The following RANBP2 variants were observed in gnomAD, a reference collection of about 807,000 sequenced individuals.
RANBP2 encodes RAN binding protein 2, also known as E3 SUMO-protein ligase RanBP2.
In RANBP2, 57 loss-of-function variants were observed where a neutral mutation model predicts 303.6. The ratio of observed to expected loss-of-function variants is 0.19; its 90% CI spans 0.15 to 0.23. The LOEUF (loss-of-function observed/expected upper bound fraction) is 0.23, where lower values mean the gene tolerates loss of function less well. RANBP2 is among the 10% of genes least tolerant of loss of function. RANBP2 has a pLI of 1.00. For missense variants in RANBP2, 3,138 were observed against 3,780.8 expected (o/e 0.83, Z 4.46); for synonymous variants, 1,167 against 1,301.5 (o/e 0.90, Z 2.23).
chr2:109,720,864 A>T, the RANBP2 span, among the ~76,000 whole-genome samples: 1 of 152,160 alleles, frequency 6.6e-6, no homozygotes, highest in Admixed American at 6.5e-5. Context: ...CCCTCTCCTG[A>T]TTGTCACTGG....
chr2:109,022,816 C>T, the RANBP2 span, among the ~76,000 whole-genome samples: 17 of 151,966 alleles, frequency 1.1e-4, no homozygotes, highest in East Asian at 1.9e-4. Context: ...TTTGGGAGGC[C>T]GAGGTGGGTG....
chr2:109,508,203 G>T, the RANBP2 span, among the ~76,000 whole-genome samples: 3 of 152,132 alleles, frequency 2.0e-5, no homozygotes, highest in African/African-American at 7.2e-5. Flanking sequence ...CCCTGGCATT[G>T]ACTCTCACTG....
the RANBP2 span, among the ~76,000 whole-genome samples, chr2:109,330,870 C>G: frequency 2.6e-5 from 4 of 152,200 alleles, no homozygotes; most frequent in African/African-American, 4.8e-5. Context: ...CTTAAGGGAC[C>G]AATTCCTCTG....
At chr2:109,283,503 G>T in the RANBP2 span, among the ~76,000 whole-genome samples, 1 of 152,268 alleles carries the variant, frequency 6.6e-6, no homozygotes, top group African/African-American at 2.4e-5. Context: ...GTCCACAAAG[G>T]TCTCCAGAAG....
chr2:109,297,504 C>T, the RANBP2 span, among the ~76,000 whole-genome samples: 1 of 152,016 alleles, frequency 6.6e-6, no homozygotes, highest in Non-Finnish European at 1.5e-5. Context: ...AGACCAGTGC[C>T]TCCGACCCAA....
At chr2:109,596,734 T>C in the RANBP2 span, among the ~76,000 whole-genome samples, 1 of 152,228 alleles carries the variant, frequency 6.6e-6, no homozygotes, top group Non-Finnish European at 1.5e-5. Context: ...TATCTGCTTT[T>C]GTTTATTCAT....
At chr2:108,773,867 T>C (rs1388336766) in intron 23 of RANBP2, among the ~76,000 whole-genome samples, 1 of 152,194 alleles carries the variant, frequency 6.6e-6, no homozygotes, top group Non-Finnish European at 1.5e-5. Flanking sequence ...CAGGATGGTC[T>C]CAATCTCTTG....
At chr2:109,179,886 G>A in the RANBP2 span, among the ~76,000 whole-genome samples, 1 of 152,160 alleles carries the variant, frequency 6.6e-6, no homozygotes, top group Non-Finnish European at 1.5e-5. Flanking sequence ...CTTATCGCAG[G>A]AAAATACAGG....
chr2:108,766,776 A>G lies in RANBP2; in HGVS notation c.6237A>G (p.Gln2079=). ...TAAGAATGCTGATGCGAAGAGAACAAGTACTAAAAGTGTGTGCTAATCATT... is the reference window on the plus strand; with the variant it reads ...TAAGAATGCTGATGCGAAGAGAACAGGTACTAAAAGTGTGTGCTAATCATT... ...GKLRMLMRRE[Q]VLKVCANHWI... Residue 2079 remains glutamine, a synonymous_variant, in exon 20 of 29, where the codon CAA becomes CAG. Coordinates refer to ENST00000283195, the MANE Select transcript of RANBP2 (RefSeq NM_006267.5). 1.2e-6 allele frequency: 2 copies of G among 1,612,048 alleles called. No homozygotes were observed. Among genetic ancestry groups the G allele is most frequent in the Non-Finnish European group, 1.7e-6 (2 of 1,179,856 alleles).
chr2:109,062,239 G>T, the RANBP2 span, among the ~76,000 whole-genome samples: 1 of 152,212 alleles, frequency 6.6e-6, no homozygotes, highest in Non-Finnish European at 1.5e-5. Context: ...TAAAGTGCAG[G>T]TGAGATAAGG....
chr2:109,387,964 C>A, the RANBP2 span, among the ~76,000 whole-genome samples: 1 of 152,066 alleles, frequency 6.6e-6, no homozygotes, highest in African/African-American at 2.4e-5. Context: ...TGAGGCTCCC[C>A]ACACCAATTC....
At chr2:109,397,160 C>T in the RANBP2 span, among the ~76,000 whole-genome samples, 1 of 152,148 alleles carries the variant, frequency 6.6e-6, no homozygotes, top group Admixed American at 6.5e-5. Flanking sequence ...GCCAGGCCTG[C>T]ACACAACCAC....
At chr2:109,142,276 A>G in the RANBP2 span, among the ~76,000 whole-genome samples, 1 of 151,786 alleles carries the variant, frequency 6.6e-6, no homozygotes. Context: ...CATCCCTTCC[A>G]TTGGTGTTCT....
the RANBP2 span, among the ~76,000 whole-genome samples, chr2:109,405,002 A>G: frequency 6.5e-3 from 955 of 147,672 alleles, 9 homozygotes; most frequent in African/African-American, 0.023. Flanking sequence ...ATGTCTACAC[A>G]AATACCCCCC....
chr2:108,790,807 A>C (rs1679785509), downstream of RANBP2, among the ~76,000 whole-genome samples: 1 of 152,202 alleles, frequency 6.6e-6, no homozygotes, highest in Non-Finnish European at 1.5e-5. Flanking sequence ...CTGTGAGTGC[A>C]GTAGCATAAT....
the RANBP2 span, chr2:108,910,403 C>T: frequency 1.4e-6 from 2 of 1,436,164 alleles, no homozygotes; most frequent in East Asian, 4.6e-5. Context: ...GGTTCCCCTC[C>T]CTGCTCAGGA....
At chr2:109,175,244 T>C in the RANBP2 span, among the ~76,000 whole-genome samples, 1 of 152,224 alleles carries the variant, frequency 6.6e-6, no homozygotes, top group African/African-American at 2.4e-5. Context: ...CCTGTTTTCC[T>C]TGCCTGGCAC....
At chr2:109,178,475 T>TA in the RANBP2 span, among the ~76,000 whole-genome samples, 1 of 152,232 alleles carries the variant, frequency 6.6e-6, no homozygotes, top group African/African-American at 2.4e-5. Context: ...AGAGATATTA[T>TA]ACTTGGATAG....
chr2:109,402,226 C>T, the RANBP2 span, among the ~76,000 whole-genome samples: 2 of 152,228 alleles, frequency 1.3e-5, no homozygotes, highest in African/African-American at 4.8e-5. Context: ...TGGCCATGTG[C>T]GTCTGACCAG....
Sources: gnomAD v4.1 joint callset for allele counts (sites outside exome capture counted in the v4.1 genomes callset) on GRCh38, gnomAD v4.1.1 for gene constraint, MANE v1.5 for transcripts, NCBI Gene and HGNC (gene_info 2026-07-23, HGNC 2026-07-21) for gene names.